The following SZT2 variants were observed in gnomAD, a reference collection of about 807,000 sequenced individuals.
SZT2 encodes SZT2 subunit of KICSTOR complex.
Under a neutral mutation model 404.2 loss-of-function variants are expected in SZT2, and 216 were observed. The observed-to-expected ratio is 0.53, with a 90% confidence interval of 0.48 to 0.60. The LOEUF (loss-of-function observed/expected upper bound fraction) is 0.60, where lower values mean the gene tolerates loss of function less well. SZT2 is among the 20% of genes least tolerant of loss of function. The pLI is 0.00. For missense variants in SZT2, 3,857 were observed against 4,459.2 expected (o/e 0.86, Z 3.85); for synonymous variants, 1,693 against 1,749.9 (o/e 0.97, Z 0.81).
chr1:43,453,266 G>A lies in SZT2; in HGVS notation c.*2786G>A, dbSNP rs1325254807. The A allele has an allele frequency of 2.9e-6, 2 of 694,382 alleles. No individual in the cohort carries two copies. Among genetic ancestry groups the A allele is most frequent in the East Asian group, 2.7e-5 (1 of 36,722 alleles). 43.0% of individuals were successfully genotyped at this position (694,382 alleles called of 1,614,324 possible). A position where few individuals can be genotyped will look rare whatever the true frequency, so the allele number is the denominator to read the frequency against. On this transcript the variant is annotated 3_prime_UTR_variant, in exon 72 of 72. Transcript: ENST00000634258. Reference sequence around the variant, plus strand: ...CAATTTACAAAGGACCAGGACCGCAGAGGCAGAGATAAACCAGTGGGCTCA... The same window carrying A: ...CAATTTACAAAGGACCAGGACCGCAAAGGCAGAGATAAACCAGTGGGCTCA...
rs143585551 is a variant in SZT2 at position 43,415,000 on chromosome 1, T to A, written c.499-82T>A. On this transcript the variant is annotated intron_variant, in intron 4 of 71. Transcript: ENST00000634258. ...GAAGTCAGGATCGCCTAGATGGAGC[T>A]ATGGAGAATAAACAGAGCAGAAGTG... 6,611 of 1,517,476 alleles carry A rather than the reference T, an allele frequency of 4.4e-3. 21 individuals are homozygous for A. The highest frequency in any genetic ancestry group is 5.3e-3 in the Non-Finnish European group (5,953 of 1,132,336). The allele number at this position is 1,517,476 out of a possible 1,614,324, so 94.0% of individuals were successfully genotyped here.
rs1170354462 is a variant in SZT2, at chr1:43,442,315, G to C, written c.7921G>C (p.Gly2641Arg). Residue 2641 changes from glycine (G) to arginine (R), a missense_variant, in exon 57 of 72, where the codon GGG (glycine) becomes CGG (arginine). Physicochemically the swap from Gly to Arg is moderately radical, Grantham distance 125. This residue lies in a region of SZT2 where 573 missense variants were observed against 592.4 expected (regional missense o/e 0.97). Coordinates refer to ENST00000634258, the MANE Select transcript of SZT2 (RefSeq NM_001365999.1). This position sits in a 1 kb window ranked among gnomAD's most constrained non-coding sequence, Gnocchi z 4.5. ...CGAGCCAGGAGGTGATGGGAGCTCAGGGCGAAATGCTCCCCGGCAGAGGCT... is the reference window on the plus strand; with the variant it reads ...CGAGCCAGGAGGTGATGGGAGCTCACGGCGAAATGCTCCCCGGCAGAGGCT... Reference protein sequence around the residue: ...RFEPGGDGSSGRNAPRQRLLL... With the variant: ...RFEPGGDGSSRRNAPRQRLLL... 1 of 1,614,150 alleles carries C rather than the reference G, an allele frequency of 6.2e-7. No individual in the cohort carries two copies. Among genetic ancestry groups the C allele is most frequent in the African/African-American group, 1.3e-5 (1 of 75,054 alleles).
At chr1:43,394,252 A>G (rs906887079) in intron 1 of SZT2, among the ~76,000 whole-genome samples, 21 of 128,262 alleles carry the variant, frequency 1.6e-4, no homozygotes, top group Non-Finnish European at 3.1e-4. Context: ...TCTGTCGCCC[A>G]GGCTGGAGTG....
At position 43,396,413 on chromosome 1, in the gene SZT2, A is replaced by G. The variant is rs1479945729; in HGVS notation, c.27+6418A>G. Among the ~76,000 whole-genome samples the G allele has an allele frequency of 2.6e-5, 4 of 152,342 alleles. No homozygotes were observed. The East Asian group carries it at 7.7e-4, about 29-fold the overall frequency. ...AAGTGGGTTAGATATTTTCAAGACA[A>G]CAGATTTTAAGAGTAGGTCAAGATA... On this transcript the variant is annotated intron_variant, in intron 1 of 71. Transcript: ENST00000634258.
At chr1:43,414,730 C>T (rs562829846) in intron 4 of SZT2, among the ~76,000 whole-genome samples, 5 of 152,252 alleles carry the variant, frequency 3.3e-5, no homozygotes, top group South Asian at 2.1e-4. Context: ...AAGGCTTTGC[C>T]GGGCTGAGGA....
In SZT2 at chr1:43,452,385, C is replaced by A; in HGVS notation, c.*1905C>A. The stretch of plus-strand genomic sequence containing the variant: ...CTCTCTGCACCTCTTCCAGGATTCC[C>A]TGACTGTGCCAGCCCTCGTCCGTCT... On this transcript the variant is annotated 3_prime_UTR_variant, in exon 72 of 72. Transcript: ENST00000634258. 1 of 1,298,722 alleles carries A rather than the reference C, an allele frequency of 7.7e-7. No individual in the cohort carries two copies. Among genetic ancestry groups the A allele is most frequent in the South Asian group, 1.2e-5 (1 of 80,306 alleles). The allele number at this position is 1,298,722 out of a possible 1,614,324, so 80.4% of individuals were successfully genotyped here. A position where few individuals can be genotyped will look rare whatever the true frequency, so the allele number is the denominator to read the frequency against.
At chr1:43,431,605 A>G in intron 35 of SZT2, 82 bp downstream of exon 35, 5 of 1,602,254 alleles carry the variant, frequency 3.1e-6, no homozygotes, top group Non-Finnish European at 4.3e-6. Flanking sequence ...GTTCTGGGAT[A>G]GAAGTGAGGC....
Position 43,450,335 on chromosome 1 carries a change from A to G in SZT2, c.10156-2A>G, listed in dbSNP as rs751182979. The G allele has an allele frequency of 6.2e-7, 1 of 1,613,806 alleles. No homozygotes were observed. The highest frequency in any genetic ancestry group is 2.2e-5 in the East Asian group (1 of 44,862). On this transcript the variant is annotated splice_acceptor_variant, in intron 71 of 71. Coordinates refer to ENST00000634258, the MANE Select transcript of SZT2 (RefSeq NM_001365999.1). LOFTEE classifies it high-confidence loss of function. This position sits in a 1 kb window ranked among gnomAD's most constrained non-coding sequence, Gnocchi z 4.3. ...AGTGCATCCCCACCGTGTTCCCCAC[A>G]GTCTCTGACAGTGGTTTTCCGAGAG...
chr1:43,414,111 G>A (rs575910957), intron 4 of SZT2, among the ~76,000 whole-genome samples: 11 of 152,016 alleles, frequency 7.2e-5, no homozygotes, highest in Admixed American at 1.3e-4. Flanking sequence ...GTGAAACCCC[G>A]TCTCTACTAA....
Position 43,453,947 on chromosome 1 carries a change from G to C in SZT2, c.*3467G>C. ...AAAAGCGAAGTGCTGTAAAAACCCGGGCCTTCACGAAAAGCGCCTACGGTT... is the reference window on the plus strand; with the variant it reads ...AAAAGCGAAGTGCTGTAAAAACCCGCGCCTTCACGAAAAGCGCCTACGGTT... On this transcript the variant is annotated 3_prime_UTR_variant, in exon 72 of 72. Coordinates refer to ENST00000634258, the MANE Select transcript of SZT2 (RefSeq NM_001365999.1). The C allele has an allele frequency of 8.3e-7, 1 of 1,200,504 alleles. No individual in the cohort carries two copies. Among genetic ancestry groups the C allele is most frequent in the Non-Finnish European group, 1.0e-6 (1 of 968,000 alleles). The allele number at this position is 1,200,504 out of a possible 1,614,324, so 74.4% of individuals were successfully genotyped here. A position where few individuals can be genotyped will look rare whatever the true frequency, so the allele number is the denominator to read the frequency against.
rs1369110914 is a variant in SZT2 at position 43,433,026 on chromosome 1, T to C, written c.5640T>C (p.Gly1880=). 3 of 1,613,832 alleles carry C rather than the reference T, an allele frequency of 1.9e-6. No individual in the cohort carries two copies. Among genetic ancestry groups the C allele is most frequent in the Non-Finnish European group, 2.5e-6 (3 of 1,180,006 alleles). The change falls in exon 40 of 72, where the codon GGT becomes GGC. Residue 1880 remains glycine (G), a synonymous_variant. Coordinates refer to ENST00000634258, the MANE Select transcript of SZT2 (RefSeq NM_001365999.1). The part of the protein sequence containing the change: ...DGGSSGSDSE[G]PNDTLGEKAP... ...GCAGCAGTGGCTCAGACAGTGAGGG[T>C]CCCAATGACACCCTTGGTGAGAAGG...
chr1:43,398,733 G>A (rs922435767), intron 1 of SZT2, among the ~76,000 whole-genome samples: 1 of 152,160 alleles, frequency 6.6e-6, no homozygotes, highest in African/African-American at 2.4e-5. Context: ...GGGACTTTTC[G>A]ATGGGGTGTG....
intron 4 of SZT2, chr1:43,409,374 AG>A (rs1650730627): frequency 3.6e-6 from 1 of 276,394 alleles, no homozygotes; most frequent in Non-Finnish European, 7.3e-6. Flanking sequence ...TAGGGGGATA[AG>A]GAGAGGATTT....
At chr1:43,418,636 C>T (rs1403639628) in intron 7 of SZT2, among the ~76,000 whole-genome samples, 1 of 152,196 alleles carries the variant, frequency 6.6e-6, no homozygotes, top group African/African-American at 2.4e-5. Flanking sequence ...CTGGGCACCA[C>T]TGGCCAAGAA....
intron 1 of SZT2, chr1:43,394,043 C>T (rs1570531192): frequency 8.1e-6 from 8 of 982,808 alleles, no homozygotes; most frequent in Non-Finnish European, 9.7e-6. Flanking sequence ...TGCCAGACTA[C>T]TCTGAGAGTA....
rs763723715 is a variant in SZT2, at chr1:43,420,933, T to C, written c.1446T>C (p.Arg482=). ...DVSCALRQPI[R]SLYRTHVIRR... Reference sequence around the variant, plus strand: ...CCTGTGCACTAAGGCAGCCCATTCGTTCATTGTATCGTACCCATGTTATCC... The same window carrying C: ...CCTGTGCACTAAGGCAGCCCATTCGCTCATTGTATCGTACCCATGTTATCC... Residue 482 remains arginine (R), a synonymous_variant, in exon 10 of 72, where the codon CGT becomes CGC. Transcript: ENST00000634258. The surrounding 1 kb of genome is among the most constrained non-coding windows in gnomAD (Gnocchi z 5.1). The C allele has an allele frequency of 2.8e-5, 45 of 1,598,310 alleles. No homozygotes were observed. Among genetic ancestry groups the C allele is most frequent in the Non-Finnish European group, 3.8e-5 (45 of 1,179,822 alleles).
At chr1:43,390,418 A>G (rs1648148302) in intron 1 of SZT2, among the ~76,000 whole-genome samples, 1 of 152,258 alleles carries the variant, frequency 6.6e-6, no homozygotes, top group Admixed American at 6.5e-5. Flanking sequence ...ATGCTTTTAG[A>G]AAAGCAGCTT....
Position 43,431,834 on chromosome 1 carries a change from G to A in SZT2, c.5207G>A (p.Cys1736Tyr). Reference sequence around the variant, plus strand: ...CATAGTTCTCCTGGACGCTCCACCTGCCTTCGCCAAACTCTGCCACTGAGT... The same window carrying A: ...CATAGTTCTCCTGGACGCTCCACCTACCTTCGCCAAACTCTGCCACTGAGT... ...HIHSSPGRST[C>Y]LRQTLPLSFV... Residue 1736 changes from cysteine (C) to tyrosine (Y), a missense_variant, in exon 36 of 72, where the codon TGC (cysteine) becomes TAC (tyrosine). This residue lies in a region of SZT2 where 1,725 missense variants were observed against 1,881.0 expected (regional missense o/e 0.92). Transcript: ENST00000634258. 6.2e-7 allele frequency: 1 copy of A among 1,614,186 alleles called. No homozygotes were observed. The highest frequency in any genetic ancestry group is 8.5e-7 in the Non-Finnish European group (1 of 1,180,018).
At chr1:43,422,277 G>A (rs1321974173) in intron 12 of SZT2, 52 bp downstream of exon 12, 1 of 1,533,154 alleles carries the variant, frequency 6.5e-7, no homozygotes, top group East Asian at 2.3e-5. Flanking sequence ...CGGGGTCAGG[G>A]GGATAGGGAA....
Sources: gnomAD v4.1 joint callset for allele counts (sites outside exome capture counted in the v4.1 genomes callset) on GRCh38, gnomAD v4.1.1 for gene constraint, gnomAD v4.1.1 regional missense constraint, Gnocchi (gnomAD v3.1) non-coding constraint, MANE v1.5 for transcripts, NCBI Gene and HGNC (gene_info 2026-07-23, HGNC 2026-07-21) for gene names.